EPB41L2: variants seen among roughly 807,000 people sequenced by gnomAD.
EPB41L2 encodes the protein band 4.1-like protein 2.
EPB41L2 carries 43 observed loss-of-function variants against 113.0 expected under a neutral mutation model. That is an observed-to-expected ratio of 0.38 (90% CI 0.30 to 0.49). The LOEUF (loss-of-function observed/expected upper bound fraction) is 0.49. EPB41L2 is among the 20% of genes least tolerant of loss of function. The pLI, the probability that EPB41L2 is intolerant of heterozygous loss-of-function variation, is 0.95. For missense variants in EPB41L2, 1,147 were observed against 1,223.4 expected (o/e 0.94, Z 0.93); for synonymous variants, 442 against 436.7 (o/e 1.01, Z -0.15).
At chr6:130,844,458 G>A (rs1776392482) in intron 19 of EPB41L2, among the ~76,000 whole-genome samples, 1 of 152,010 alleles carries the variant, frequency 6.6e-6, no homozygotes, top group Non-Finnish European at 1.5e-5. Flanking sequence ...TGTAGTCCCA[G>A]CTACTCAGGA....
In EPB41L2 at chr6:130,916,790, T is replaced by C. The variant is rs990728684; in HGVS notation, c.811-7927A>G. On this transcript the variant is annotated intron_variant, in intron 4 of 19. Coordinates refer to ENST00000337057, the MANE Select transcript of EPB41L2 (RefSeq NM_001431.4). ...AGGTCTAGGGTGAGCGCTAGAGTTCTTCATTTCTAAGAAGCTTCTGCGTGG... is the reference window on the plus strand; with the variant it reads ...AGGTCTAGGGTGAGCGCTAGAGTTCCTCATTTCTAAGAAGCTTCTGCGTGG... Among the ~76,000 whole-genome samples, 66 of 152,242 alleles carry C rather than the reference T, an allele frequency of 4.3e-4. 4 individuals are homozygous for C. Among genetic ancestry groups the C allele is most frequent in the Non-Finnish European group, 2.9e-5 (2 of 68,034 alleles).
intron 4 of EPB41L2, among the ~76,000 whole-genome samples, chr6:130,917,444 C>G (rs1326127243): frequency 6.6e-6 from 1 of 152,124 alleles, no homozygotes; most frequent in Non-Finnish European, 1.5e-5. Context: ...TGATGGGGTT[C>G]CTCATCCTCC....
At chr6:130,849,196 C>T (rs1001570322) in intron 19 of EPB41L2, among the ~76,000 whole-genome samples, 1 of 152,194 alleles carries the variant, frequency 6.6e-6, no homozygotes, top group African/African-American at 2.4e-5. Context: ...TACTAAGCTC[C>T]AGCATAGTAA....
At chr6:131,047,826 C>T (rs1439001786) in intron 1 of EPB41L2, among the ~76,000 whole-genome samples, 1 of 151,958 alleles carries the variant, frequency 6.6e-6, no homozygotes, top group East Asian at 1.9e-4. Context: ...AGAAAGAAGG[C>T]AGGGTGGGAG....
intron 1 of EPB41L2, among the ~76,000 whole-genome samples, chr6:131,033,056 A>C (rs988647775): frequency 2.0e-5 from 3 of 152,010 alleles, no homozygotes; most frequent in Admixed American, 6.6e-5. Context: ...TTGTAGTTTT[A>C]GTAGAGACAG....
At chr6:130,972,937 C>CAAAAAAAA (rs57293132) in intron 1 of EPB41L2, among the ~76,000 whole-genome samples, 17 of 59,514 alleles carry the variant, frequency 2.9e-4, no homozygotes, top group East Asian at 1.2e-3. Flanking sequence ...ACTAAAGATA[C>CAAAAAAAA]AAAAAAAAAA....
chr6:130,858,161 T>A lies in EPB41L2; in HGVS notation c.2993A>T (p.Glu998Val). Reference sequence around the variant, plus strand: ...TTAATCTTCCCCTTCCTCAGCCAACTCTGTTTCTTTGTGTACCACCACTCT... The same window carrying A: ...TTAATCTTCCCCTTCCTCAGCCAACACTGTTTCTTTGTGTACCACCACTCT... ...VTRVVVHKETELAEEGED is the reference protein window; with the variant it reads ...VTRVVVHKETVLAEEGED Residue 998 changes from glutamate (E) to valine (V), a missense_variant, in exon 19 of 20, where the codon GAG (glutamate) becomes GTG (valine). Transcript: ENST00000337057. The A allele has an allele frequency of 6.2e-7, 1 of 1,613,984 alleles. No individual in the cohort carries two copies. Among genetic ancestry groups the A allele is most frequent in the Non-Finnish European group, 8.5e-7 (1 of 1,179,904 alleles).
intron 14 of EPB41L2, chr6:130,872,478 T>C: frequency 7.8e-7 from 1 of 1,289,376 alleles, no homozygotes; most frequent in Non-Finnish European, 1.0e-6. Context: ...AAGGTGGCTT[T>C]CATGCTATCA....
intron 15 of EPB41L2, chr6:130,867,978 T>A (rs78670436): frequency 0.012 from 1,067 of 85,852 alleles, 82 homozygotes; most frequent in South Asian, 0.033. Context: ...ACACACTCTC[T>A]CTCTCTCTCT....
At chr6:131,032,875 G>C (rs148003623) in intron 1 of EPB41L2, among the ~76,000 whole-genome samples, 5 of 152,068 alleles carry the variant, frequency 3.3e-5, no homozygotes, top group Non-Finnish European at 5.9e-5. Context: ...GGCTGGGCAC[G>C]GTGGCTCACG....
intron 1 of EPB41L2, chr6:130,970,175 C>T (rs1776412436): frequency 6.6e-6 from 1 of 152,206 alleles, no homozygotes; most frequent in South Asian, 2.1e-4. Flanking sequence ...ACTAGTCACA[C>T]TTTCAATAGC....
chr6:130,955,878 G>C, intron 2 of EPB41L2, 116 bp downstream of exon 2: 2 of 1,489,306 alleles, frequency 1.3e-6, no homozygotes. Flanking sequence ...TATACATTAA[G>C]CTAAAGCAGT....
At chr6:130,937,010 A>G (rs559563446) in intron 3 of EPB41L2, among the ~76,000 whole-genome samples, 12 of 152,376 alleles carry the variant, frequency 7.9e-5, no homozygotes, top group Admixed American at 5.9e-4. Flanking sequence ...AAAATTGCGC[A>G]TAAGGTACAG....
intron 4 of EPB41L2, among the ~76,000 whole-genome samples, chr6:130,914,402 G>T (rs144674496): frequency 6.6e-6 from 1 of 151,924 alleles, no homozygotes; most frequent in Non-Finnish European, 1.5e-5. Context: ...TCAGACTTTC[G>T]GTTCACAAAA....
At chr6:130,978,498 T>C (rs1263382240) in intron 1 of EPB41L2, 1 of 152,188 alleles carries the variant, frequency 6.6e-6, no homozygotes, top group Non-Finnish European at 1.5e-5. Flanking sequence ...CTCTCTAAAT[T>C]TGAATTAGAA....
chr6:130,931,243 G>T (rs991010750), intron 3 of EPB41L2, among the ~76,000 whole-genome samples: 1 of 152,016 alleles, frequency 6.6e-6, no homozygotes, highest in South Asian at 2.1e-4. Flanking sequence ...AATCTACAAT[G>T]ATTTTATTCT....
intron 4 of EPB41L2, among the ~76,000 whole-genome samples, chr6:130,924,846 T>C (rs1459545160): frequency 1.3e-5 from 2 of 152,224 alleles, no homozygotes; most frequent in African/African-American, 4.8e-5. Context: ...ATAGGTGTGA[T>C]ATAACACACA....
chr6:130,899,705 G>T, intron 7 of EPB41L2, 127 bp from the exon 8 acceptor site: 1 of 751,016 alleles, frequency 1.3e-6, no homozygotes, highest in Non-Finnish European at 2.2e-6. Context: ...TTGCAGAAAA[G>T]TAGGAAATGG....
intron 8 of EPB41L2, among the ~76,000 whole-genome samples, chr6:130,895,370 T>C (rs1388302481): frequency 6.6e-6 from 1 of 152,136 alleles, no homozygotes; most frequent in Non-Finnish European, 1.5e-5. Context: ...ACAGTGTCCT[T>C]CAAAAGGCGT....
Sources: gnomAD v4.1 joint callset for allele counts (sites outside exome capture counted in the v4.1 genomes callset) on GRCh38, gnomAD v4.1.1 for gene constraint, MANE v1.5 for transcripts, NCBI Gene and HGNC (gene_info 2026-07-23, HGNC 2026-07-21) for gene names.